Variants in RBFOX2 observed in about 807,000 individuals in gnomAD.
RBFOX2 encodes the protein RNA binding fox-1 homolog 2, also known as RNA binding protein fox-1 homolog 2.
RBFOX2 carries 10 observed loss-of-function variants against 49.1 expected under a neutral mutation model. That is an observed-to-expected ratio of 0.20 (90% confidence interval 0.13 to 0.35). RBFOX2 has a LOEUF of 0.35. Among genes scored for constraint, RBFOX2 ranks in the 10% least tolerant of loss-of-function variants. RBFOX2 has a pLI of 1.00. For missense variants in RBFOX2, 323 were observed against 486.9 expected (o/e 0.66, Z 3.17); for synonymous variants, 183 against 187.4 (o/e 0.98, Z 0.19).
Position 36,000,889 on chromosome 22 carries a change from A to G in RBFOX2, c.186+27351T>C, listed in dbSNP as rs1019807563. Among the ~76,000 whole-genome samples the G allele has an allele frequency of 1.2e-4, 19 of 152,290 alleles. No individual in the cohort carries two copies. In the East Asian group the frequency reaches 3.7e-3, roughly 29 times the overall value. Reference sequence around the variant, plus strand: ...TAAATCCTACTCAAAAGCAAAGAAGAAATTTTAGAAATGAAAGTTCTTTAC... The same window carrying G: ...TAAATCCTACTCAAAAGCAAAGAAGGAATTTTAGAAATGAAAGTTCTTTAC... On this transcript the variant is annotated intron_variant, in intron 1 of 13. Transcript: ENST00000438146.
At chr22:35,744,567 T>A (rs1321938888) in intron 11 of RBFOX2, among the ~76,000 whole-genome samples, 1 of 152,244 alleles carries the variant, frequency 6.6e-6, no homozygotes, top group Non-Finnish European at 1.5e-5. Context: ...GTTTGATTTT[T>A]AAAAGCACAG....
chr22:36,021,183 G>A (rs2059231507), intron 1 of RBFOX2, among the ~76,000 whole-genome samples: 1 of 139,950 alleles, frequency 7.1e-6, no homozygotes, highest in African/African-American at 2.7e-5. Context: ...ACTCATAGGT[G>A]AGAATTAAAC....
chr22:35,811,027 A>C (rs1407243100), intron 1 of RBFOX2, among the ~76,000 whole-genome samples: 1 of 152,228 alleles, frequency 6.6e-6, no homozygotes, highest in East Asian at 1.9e-4. Context: ...CCTTGAAACA[A>C]AAATTCATAA....
chr22:35,911,503 G>T (rs894533255), intron 1 of RBFOX2, among the ~76,000 whole-genome samples: 37 of 152,170 alleles, frequency 2.4e-4, no homozygotes, highest in African/African-American at 8.4e-4. Context: ...CAAGAGTAAA[G>T]GTATTTTAAT....
intron 1 of RBFOX2, among the ~76,000 whole-genome samples, chr22:35,946,334 T>C (rs1211921904): frequency 6.6e-6 from 1 of 152,192 alleles, no homozygotes; most frequent in African/African-American, 2.4e-5. Context: ...CATCATGCAA[T>C]AGAAAGGTTG....
chr22:35,892,855 G>A (rs1052934106), intron 1 of RBFOX2, among the ~76,000 whole-genome samples: 5 of 152,154 alleles, frequency 3.3e-5, no homozygotes, highest in African/African-American at 2.4e-5. Flanking sequence ...TATGACTGCC[G>A]AAAGTCACAT....
chr22:35,814,380 G>A (rs889277943), intron 1 of RBFOX2, among the ~76,000 whole-genome samples: 1 of 152,042 alleles, frequency 6.6e-6, no homozygotes, highest in Non-Finnish European at 1.5e-5. Context: ...CAATGTAAAT[G>A]TTATGTAAAT....
At chr22:35,810,026 A>T (rs780939009) in intron 1 of RBFOX2, 22 bp from the exon 3 acceptor site, 2 of 1,609,402 alleles carry the variant, frequency 1.2e-6, no homozygotes, top group Non-Finnish European at 1.7e-6. Context: ...AACAAGAGAA[A>T]GAAAAAGTGA....
intron 1 of RBFOX2, among the ~76,000 whole-genome samples, chr22:35,854,577 C>T (rs1163306056): frequency 6.6e-6 from 1 of 151,072 alleles, no homozygotes; most frequent in Non-Finnish European, 1.5e-5. Context: ...CTGGGCAACA[C>T]AGCAAGACCC....
At chr22:35,761,613 TGA>T (rs757268257) in intron 6 of RBFOX2, 145 bp from the exon 8 acceptor site, 7 of 794,934 alleles carry the variant, frequency 8.8e-6, no homozygotes, top group African/African-American at 1.7e-5. Flanking sequence ...GGGGTTTATA[TGA>T]GAGAGTAACA....
chr22:36,011,703 C>G (rs559304538), intron 1 of RBFOX2, among the ~76,000 whole-genome samples: 15 of 152,146 alleles, frequency 9.9e-5, no homozygotes, highest in African/African-American at 3.6e-4. Context: ...GACTCTTCTA[C>G]ATTTTGCATA....
chr22:35,924,582 G>C (rs954321158), intron 1 of RBFOX2, among the ~76,000 whole-genome samples: 3 of 152,150 alleles, frequency 2.0e-5, no homozygotes, highest in African/African-American at 7.2e-5. Flanking sequence ...ATATCGCTCT[G>C]GCAAGGCAAA....
At chr22:35,822,243 A>C (rs1274266349) in intron 1 of RBFOX2, among the ~76,000 whole-genome samples, 1 of 152,178 alleles carries the variant, frequency 6.6e-6, no homozygotes, top group Non-Finnish European at 1.5e-5. Flanking sequence ...CTCCAACTCT[A>C]TTTGGCTATC....
At chr22:36,019,959 A>T (rs2059178323) in intron 1 of RBFOX2, among the ~76,000 whole-genome samples, 1 of 152,202 alleles carries the variant, frequency 6.6e-6, no homozygotes, top group South Asian at 2.1e-4. Context: ...AGCCAAAAGA[A>T]CAAAGCTGGG....
At chr22:35,876,203 G>T (rs1374472111) in intron 1 of RBFOX2, among the ~76,000 whole-genome samples, 2 of 152,060 alleles carry the variant, frequency 1.3e-5, no homozygotes, top group African/African-American at 2.4e-5. Context: ...ATGGTGGGGG[G>T]TACTTTTAAG....
chr22:35,796,436 T>A (rs1452170487), intron 2 of RBFOX2, among the ~76,000 whole-genome samples: 1 of 152,226 alleles, frequency 6.6e-6, no homozygotes, highest in Non-Finnish European at 1.5e-5. Flanking sequence ...GGATTTACTA[T>A]TACAGTATGT....
rs961773606 is a variant in RBFOX2, at chr22:35,746,667, C to T, written c.888-106G>A. ...ACGTACACACATGTAGACACAGGGA[C>T]TGACACAAACATAGACACACACATG... On this transcript the variant is annotated intron_variant, in intron 9 of 11. Transcript: ENST00000405409. The T allele has an allele frequency of 2.1e-5, 11 of 525,976 alleles. No homozygotes were observed. The Admixed American group carries it at 3.7e-4, about 18-fold the overall frequency. The allele number at this position is 525,976 out of a possible 1,614,324, so 32.6% of individuals were successfully genotyped here. A position where few individuals can be genotyped will look rare whatever the true frequency, so the allele number is the denominator to read the frequency against.
intron 1 of RBFOX2, among the ~76,000 whole-genome samples, chr22:35,901,468 G>C (rs951833077): frequency 6.6e-6 from 1 of 151,920 alleles, no homozygotes; most frequent in African/African-American, 2.4e-5. Context: ...GGGCAACATA[G>C]TAAAACTCTC....
At chr22:35,811,750 G>A (rs151280253) in intron 1 of RBFOX2, among the ~76,000 whole-genome samples, 47 of 152,176 alleles carry the variant, frequency 3.1e-4, no homozygotes, top group African/African-American at 1.1e-3. Context: ...GACTGCCTGC[G>A]GCTAGGAGTT....
Sources: allele counts gnomAD v4.1 joint callset (sites outside exome capture counted in the v4.1 genomes callset), GRCh38; gene constraint gnomAD v4.1.1; transcripts MANE v1.5; gene names NCBI Gene and HGNC (gene_info 2026-07-23, HGNC 2026-07-21).